The following DYNC2H1 variants were observed in gnomAD, a reference collection of about 807,000 sequenced individuals.
The protein encoded by DYNC2H1 is cytoplasmic dynein 2 heavy chain 1.
Under a neutral mutation model 570.0 loss-of-function variants are expected in DYNC2H1, and 410 were observed. The ratio of observed to expected loss-of-function variants is 0.72; its 90% CI spans 0.66 to 0.78. The LOEUF is 0.78. Ranked by LOEUF, DYNC2H1 falls within the 30% of genes least tolerant of loss-of-function variation. The pLI is 0.00. For missense variants in DYNC2H1, 4,865 were observed against 5,046.4 expected, an observed-to-expected ratio of 0.96 and a Z score of 1.09; for synonymous variants, 1,688 against 1,677.6, an observed-to-expected ratio of 1.01 and a Z score of -0.15.
At chr11:103,330,260 C>T (rs917115873) in intron 82 of DYNC2H1, among the ~76,000 whole-genome samples, 1 of 151,850 alleles carries the variant, frequency 6.6e-6, no homozygotes, top group Non-Finnish European at 1.5e-5. Context: ...CTTTTCATTT[C>T]ATTGCTGAAG....
chr11:103,213,294 C>T (rs582663), intron 54 of DYNC2H1, among the ~76,000 whole-genome samples: 128,517 of 152,070 alleles, frequency 0.85, 55,532 homozygotes, highest in Non-Finnish European at 0.92. Context: ...CTCTTGAGTC[C>T]TTTTTCCCAA....
At chr11:103,111,183 A>G (rs1026424660) in intron 1 of DYNC2H1, among the ~76,000 whole-genome samples, 1 of 152,176 alleles carries the variant, frequency 6.6e-6, no homozygotes, top group African/African-American at 2.4e-5. Context: ...CTTTATTCTT[A>G]GGTTTAATTC....
Position 103,326,071 on chromosome 11 carries a change from C to G in DYNC2H1, c.12039+2081C>G, listed in dbSNP as rs957804329. On this transcript the variant is annotated intron_variant, in intron 82 of 88. Coordinates refer to ENST00000375735, the MANE Select transcript of DYNC2H1 (RefSeq NM_001377.3). The surrounding 1 kb of genome is among the most constrained non-coding windows in gnomAD (Gnocchi z 6.1). The stretch of plus-strand genomic sequence containing the variant: ...GTCTTTATTTGTGGGTGAATTCTTG[C>G]TCTTGGTTTCCGGCATCTATTAGCA... Among the ~76,000 whole-genome samples the G allele has an allele frequency of 6.6e-6, 1 of 152,108 alleles. No individual in the cohort carries two copies. The highest frequency in any genetic ancestry group is 1.5e-5 in the Non-Finnish European group (1 of 68,030).
chr11:103,330,712 C>A, intron 82 of DYNC2H1, among the ~76,000 whole-genome samples: 1 of 151,730 alleles, frequency 6.6e-6, no homozygotes, highest in African/African-American at 2.4e-5. Context: ...TATGACAACG[C>A]TATTCTCTTC....
At chr11:103,121,312 A>C in intron 9 of DYNC2H1, 60 bp from the exon 10 acceptor site, 1 of 1,517,538 alleles carries the variant, frequency 6.6e-7, no homozygotes, top group Non-Finnish European at 8.9e-7. Context: ...GGTACGTGGA[A>C]GTTATTTAGG....
Position 103,120,967 on chromosome 11 carries a change from C to A in DYNC2H1, c.1291C>A (p.Pro431Thr), listed in dbSNP as rs901311515. The A allele has an allele frequency of 6.3e-6, 10 of 1,575,822 alleles. 1 individual carries two copies. Among genetic ancestry groups the A allele is most frequent in the South Asian group, 4.9e-5 (4 of 81,992 alleles). Residue 431 changes from proline to threonine, a missense_variant, in exon 9 of 89, where the codon CCA becomes ACA. Physicochemically the swap from Pro to Thr is conservative, Grantham distance 38. Around this residue, in one of 5 missense-constraint regions of DYNC2H1, gnomAD observed 1,936 missense variants for 1,962.1 expected, o/e 0.99. Coordinates refer to ENST00000375735, the MANE Select transcript of DYNC2H1 (RefSeq NM_001377.3). ...GAAATATAAAGAGTTGGTAAAGCGT[C>A]CAACTATAAGCAAAGAATTGATGTT... The part of the protein sequence containing the change: ...FLKYKELVKR[P>T]TISKELMLER...
chr11:103,454,450 T>G (rs1449959050), intron 85 of DYNC2H1, among the ~76,000 whole-genome samples: 2 of 152,132 alleles, frequency 1.3e-5, no homozygotes, highest in African/African-American at 4.8e-5. Flanking sequence ...AATAACTTCC[T>G]GGTTCCAGCA....
chr11:103,380,315 T>G (rs1941587727), intron 83 of DYNC2H1, among the ~76,000 whole-genome samples: 1 of 152,206 alleles, frequency 6.6e-6, no homozygotes, highest in African/African-American at 2.4e-5. Context: ...CACTTCCCTC[T>G]CCAGTCATTT....
intron 75 of DYNC2H1, among the ~76,000 whole-genome samples, chr11:103,288,287 G>T (rs1018054317): frequency 2.0e-5 from 3 of 152,020 alleles, no homozygotes; most frequent in East Asian, 3.9e-4. Context: ...TTTCAGAGTC[G>T]AATCGAAACC....
intron 77 of DYNC2H1, 61 bp from the exon 78 acceptor site, chr11:103,307,660 T>C (rs961688742): frequency 3.6e-6 from 3 of 823,306 alleles, no homozygotes; most frequent in Admixed American, 2.8e-5. Flanking sequence ...AATAATGTAA[T>C]GTAAAAGAGA....
In DYNC2H1 at chr11:103,413,959, T is replaced by TA. The variant is rs1261643923; in HGVS notation, c.12366+14092dup. 1.2e-4 allele frequency among the ~76,000 whole-genome samples: 18 copies of TA among 152,170 alleles called. No individual in the cohort carries two copies. In the East Asian group the frequency reaches 3.5e-3, roughly 29 times the overall value. On this transcript the variant is annotated intron_variant, in intron 84 of 88. Coordinates refer to ENST00000375735, the MANE Select transcript of DYNC2H1 (RefSeq NM_001377.3). ...TGTCCTTTTTCATTCATTTAGCAAATAAAAACAGAAGTACATTATTGTAAG... is the reference window on the plus strand; with the variant it reads ...TGTCCTTTTTCATTCATTTAGCAAATAAAAAACAGAAGTACATTATTGTAAG...
chr11:103,391,355 T>C (rs1292407161), intron 83 of DYNC2H1, among the ~76,000 whole-genome samples: 1 of 152,206 alleles, frequency 6.6e-6, no homozygotes, highest in Non-Finnish European at 1.5e-5. Context: ...CATGAGGTCA[T>C]TTAAGGACTT....
At chr11:103,117,495 C>A in intron 5 of DYNC2H1, 136 bp from the exon 6 acceptor site, 1 of 627,668 alleles carries the variant, frequency 1.6e-6, no homozygotes, top group South Asian at 3.5e-5. Context: ...AGTCTAAGGA[C>A]ATGCATGTGG....
chr11:103,396,669 T>G (rs535508935), intron 83 of DYNC2H1, among the ~76,000 whole-genome samples: 67 of 152,300 alleles, frequency 4.4e-4, no homozygotes, highest in African/African-American at 1.5e-3. Flanking sequence ...AACAACCTGG[T>G]TTCACACCTA....
At chr11:103,320,261 G>A (rs1938099621) in intron 80 of DYNC2H1, among the ~76,000 whole-genome samples, 2 of 152,086 alleles carry the variant, frequency 1.3e-5, no homozygotes, top group African/African-American at 2.4e-5. Context: ...AAAATTAGCG[G>A]CGTGGTGGCA....
chr11:103,156,420 A>C lies in DYNC2H1; in HGVS notation c.3777A>C (p.Thr1259=). Residue 1259 remains threonine (T), a synonymous_variant, in exon 26 of 89, where the codon ACA becomes ACC. Transcript: ENST00000375735. The stretch of plus-strand genomic sequence containing the variant: ...ATAGTCGGGCACAAGGTGAAGTTAC[A>C]ATCAGAGAAGCTTTACGTGAACTTG... ...DLNSRAQGEV[T]IREALRELDL... 2 of 1,613,626 alleles carry C rather than the reference A, an allele frequency of 1.2e-6. No individual in the cohort carries two copies. The highest frequency in any genetic ancestry group is 2.2e-5 in the South Asian group (2 of 90,988).
rs1480911512 is a variant in DYNC2H1 at position 103,121,383 on chromosome 11, G to C, written c.1372G>C (p.Asp458His). ...TTTAAATTTTATAGATTTTCGATTA[G>C]ACTTTGAGAATCGGTGCCGAGGAAT... is the stretch of plus-strand genomic sequence containing the variant. ...LVDSIKDFRL[D>H]FENRCRGIPG... Residue 458 changes from aspartate (D) to histidine (H), a missense_variant, in exon 10 of 89, where the codon GAC becomes CAC. By Grantham distance (81) the Asp-to-His change is moderately conservative (BLOSUM62 -1). Transcript: ENST00000375735. The C allele has an allele frequency of 1.2e-6, 2 of 1,605,324 alleles. No individual in the cohort carries two copies. The highest frequency in any genetic ancestry group is 2.7e-5 in the African/African-American group (2 of 74,466).
chr11:103,408,509 G>A (rs762317926), intron 84 of DYNC2H1: 6 of 151,984 alleles, frequency 3.9e-5, no homozygotes, highest in South Asian at 2.1e-4. Context: ...TCTATGAGGC[G>A]AGGTTGCTTT....
At position 103,448,927 on chromosome 11, in the gene DYNC2H1, T is replaced by TTC. The variant is rs1555136387; in HGVS notation, c.12457-6259_12457-6258insTC. On this transcript the variant is annotated intron_variant, in intron 85 of 88. Coordinates refer to ENST00000375735, the MANE Select transcript of DYNC2H1 (RefSeq NM_001377.3). The stretch of plus-strand genomic sequence containing the variant: ...TAAATTGATCAAAGATTCTTTTTTT[T>TTC]CCTTTGTTTCTTAATTCCTACTAGT... Among the ~76,000 whole-genome samples the TTC allele has an allele frequency of 1.8e-4, 27 of 152,228 alleles. No individual in the cohort carries two copies. The East Asian group carries it at 5.2e-3, about 29-fold the overall frequency.
Sources: gnomAD v4.1 joint callset for allele counts (sites outside exome capture counted in the v4.1 genomes callset) on GRCh38, gnomAD v4.1.1 for gene constraint, gnomAD v4.1.1 regional missense constraint, Gnocchi (gnomAD v3.1) non-coding constraint, MANE v1.5 for transcripts, NCBI Gene and HGNC (gene_info 2026-07-23, HGNC 2026-07-21) for gene names.